CHD5: variants seen among roughly 807,000 people sequenced by gnomAD.
The protein encoded by CHD5 is ATP-dependent chromatin remodeler CHD5.
In CHD5, 69 loss-of-function variants were observed where a neutral mutation model predicts 230.3. That is an observed-to-expected ratio of 0.30 (90% CI 0.25 to 0.37). The LOEUF (loss-of-function observed/expected upper bound fraction) is 0.37. Among genes scored for constraint, CHD5 ranks in the 10% least tolerant of loss-of-function variants. The probability of loss-of-function intolerance (pLI) is 1.00; values close to 1 mark genes in which losing one functional copy is unlikely to be tolerated. For missense variants in CHD5, 1,827 were observed against 2,622.8 expected (o/e 0.70, Z 6.63); for synonymous variants, 1,064 against 1,065.9 (o/e 1.00, Z 0.03).
Position 6,169,709 on chromosome 1 carries a change from G to A in CHD5, c.80-1432C>T, listed in dbSNP as rs1312712941. Among the ~76,000 whole-genome samples, 3 of 152,184 alleles carry A rather than the reference G, an allele frequency of 2.0e-5. No homozygotes were observed. The East Asian group carries it at 5.8e-4, about 29-fold the overall frequency. On this transcript the variant is annotated intron_variant, in intron 1 of 41. Coordinates refer to ENST00000262450, the MANE Select transcript of CHD5 (RefSeq NM_015557.3). ...TGGGGGCAAAGGAGGCTTCCAGAAGGGAAGAACCTCCAAGAGTCCTCTAGA... is the reference window on the plus strand; with the variant it reads ...TGGGGGCAAAGGAGGCTTCCAGAAGAGAAGAACCTCCAAGAGTCCTCTAGA...
In CHD5 at chr1:6,142,054, G is replaced by A. The variant is rs755829624; in HGVS notation, c.2436+74C>T. On this transcript the variant is annotated intron_variant, in intron 15 of 41. Transcript: ENST00000262450. This position sits in a 1 kb window ranked among gnomAD's most constrained non-coding sequence, Gnocchi z 5.2. ...TCCCAGGCTGAGGGACCCCAAAGGA[G>A]TGCACGGCACCCGTGGTCCCTGAAC... The A allele has an allele frequency of 2.2e-6, 3 of 1,363,712 alleles. No homozygotes were observed. The highest frequency in any genetic ancestry group is 2.8e-5 in the African/African-American group (2 of 70,304). 84.5% of individuals were successfully genotyped at this position (1,363,712 alleles called of 1,614,324 possible).
rs1168943433 is a variant in CHD5, at chr1:6,167,364, C to T, written c.207+786G>A. 6.6e-6 allele frequency among the ~76,000 whole-genome samples: 1 copy of T among 152,200 alleles called. No homozygotes were observed. The highest frequency in any genetic ancestry group is 2.4e-5 in the African/African-American group (1 of 41,460). On this transcript the variant is annotated intron_variant, in intron 2 of 41. Coordinates refer to ENST00000262450, the MANE Select transcript of CHD5 (RefSeq NM_015557.3). The surrounding 1 kb of genome is among the most constrained non-coding windows in gnomAD (Gnocchi z 4.5). ...GTGAGGTGCTTGCCATTGCTCTCAACATAGGGTCGCTTGGAGGATCAGAGG... is the reference window on the plus strand; with the variant it reads ...GTGAGGTGCTTGCCATTGCTCTCAATATAGGGTCGCTTGGAGGATCAGAGG...
chr1:6,125,678 G>A lies in CHD5; in HGVS notation c.4172-66C>T, dbSNP rs567663735. On this transcript the variant is annotated intron_variant, in intron 27 of 41. Transcript: ENST00000262450. This position sits in a 1 kb window ranked among gnomAD's most constrained non-coding sequence, Gnocchi z 6.7. ...GAGATTCCTGATCCCCAAGGACAGC[G>A]GGACCCCAGACCAGCCCCGCTCCTG... 1.2e-4 allele frequency: 186 copies of A among 1,602,566 alleles called. 1 individual carries two copies. Among genetic ancestry groups the A allele is most frequent in the Middle Eastern group, 5.0e-4 (3 of 6,024 alleles).
At chr1:6,107,819 G>A (rs958459625) in intron 38 of CHD5, among the ~76,000 whole-genome samples, 28 of 139,652 alleles carry the variant, frequency 2.0e-4, no homozygotes, top group Non-Finnish European at 6.2e-5. Flanking sequence ...GAATAATGGA[G>A]GGATGGAGGG....
chr1:6,127,982 A>G (rs1278032471), intron 25 of CHD5, 64 bp downstream of exon 25: 2 of 1,207,918 alleles, frequency 1.7e-6, no homozygotes, highest in African/African-American at 6.3e-5. Context: ...GCGTGGACAC[A>G]GTGGGGGGCG....
chr1:6,161,111 TGAAGGAAAGAGGGAGGGAGGGA>T (rs916557927), intron 2 of CHD5, among the ~76,000 whole-genome samples: 38 of 149,742 alleles, frequency 2.5e-4, no homozygotes, highest in Non-Finnish European at 8.9e-5. Flanking sequence ...GGAGGGAGGA[TGAAGGAAAGAGGGAGGGAGGGA>T]GAAGGAAAGG....
Position 6,102,821 on chromosome 1 carries a change from G to A in CHD5, c.*2653C>T, listed in dbSNP as rs12567407. ...TCGGAAGGTGGCTTTCACGGGGGAC[G>A]CTGCTTCTGCCTCAGGCGTGTATGA... is the stretch of plus-strand genomic sequence containing the variant. On this transcript the variant is annotated 3_prime_UTR_variant, in exon 42 of 42. Coordinates refer to ENST00000262450, the MANE Select transcript of CHD5 (RefSeq NM_015557.3). The A allele has an allele frequency of 0.1, 15,201 of 152,250 alleles. 1,040 individuals are homozygous for A. Among genetic ancestry groups the A allele is most frequent in the East Asian group, 0.35 (1,821 of 5,140 alleles). The allele number at this position is 152,250 out of a possible 1,614,324, so 9.4% of individuals were successfully genotyped here. A position where few individuals can be genotyped will look rare whatever the true frequency, so the allele number is the denominator to read the frequency against.
intron 33 of CHD5, among the ~76,000 whole-genome samples, chr1:6,116,482 C>T (rs1666380424): frequency 1.3e-5 from 2 of 151,956 alleles, no homozygotes; most frequent in Admixed American, 1.3e-4. Flanking sequence ...CAAAAAATAC[C>T]CTCCATTGTA....
At chr1:6,150,189 G>A (rs915676979) in intron 7 of CHD5, among the ~76,000 whole-genome samples, 1 of 131,884 alleles carries the variant, frequency 7.6e-6, no homozygotes, top group African/African-American at 3.4e-5. Context: ...TGGATGGACA[G>A]AGTGGTAGAT....
At chr1:6,115,026 G>GT (rs1491107862) in intron 33 of CHD5, among the ~76,000 whole-genome samples, 1 of 131,800 alleles carries the variant, frequency 7.6e-6, no homozygotes, top group Non-Finnish European at 1.6e-5. Flanking sequence ...AAAAAAAAAA[G>GT]GGGGGGGCAG....
At chr1:6,138,915 A>G (rs1242996333) in intron 15 of CHD5, among the ~76,000 whole-genome samples, 1 of 152,206 alleles carries the variant, frequency 6.6e-6, no homozygotes, top group African/African-American at 2.4e-5. Flanking sequence ...TATCCCTGTG[A>G]TGGGGGTTCT....
At chr1:6,152,815 T>A (rs1667027015) in intron 5 of CHD5, among the ~76,000 whole-genome samples, 2 of 152,098 alleles carry the variant, frequency 1.3e-5, no homozygotes. Flanking sequence ...TTTGGGAGGA[T>A]CCCCTATACC....
At chr1:6,160,187 C>A (rs1481512410) in intron 2 of CHD5, among the ~76,000 whole-genome samples, 8 of 99,310 alleles carry the variant, frequency 8.1e-5, no homozygotes, top group Non-Finnish European at 1.3e-4. Context: ...GGAAGGGCCC[C>A]AGCCAGAGAA....
Position 6,159,269 on chromosome 1 carries a change from G to T in CHD5, c.387+67C>A, listed in dbSNP as rs1440387791. 5.9e-6 allele frequency: 9 copies of T among 1,537,878 alleles called. No individual in the cohort carries two copies. The East Asian group carries it at 2.2e-4, about 38-fold the overall frequency. On this transcript the variant is annotated intron_variant, in intron 3 of 41. Coordinates refer to ENST00000262450, the MANE Select transcript of CHD5 (RefSeq NM_015557.3). The stretch of plus-strand genomic sequence containing the variant: ...CACACACACACACACAGAACATACA[G>T]GCAAGAGGCTCAGCCCCCTTAAAGG...
chr1:6,133,209 T>C (rs1436396999), intron 20 of CHD5, among the ~76,000 whole-genome samples: 1 of 152,184 alleles, frequency 6.6e-6, no homozygotes, highest in Admixed American at 6.5e-5. Context: ...CTGGAAGCTG[T>C]GTGGTTCCCA....
chr1:6,123,403 C>T (rs1435942332), intron 31 of CHD5, among the ~76,000 whole-genome samples: 28 of 151,550 alleles, frequency 1.8e-4, no homozygotes, highest in Admixed American at 1.8e-3. Context: ...GTACACCCTA[C>T]GAATATACTA....
chr1:6,131,571 G>C lies in CHD5; in HGVS notation c.3262+60C>G. ...GCTGGGTGACCTGGCTAAGAACCAG[G>C]CCTGGGAGAAGAGGCCAAAAAGGAG... On this transcript the variant is annotated intron_variant, in intron 21 of 41. Coordinates refer to ENST00000262450, the MANE Select transcript of CHD5 (RefSeq NM_015557.3). This position sits in a 1 kb window ranked among gnomAD's most constrained non-coding sequence, Gnocchi z 5.0. 1 of 1,002,532 alleles carries C rather than the reference G, an allele frequency of 1.0e-6. No homozygotes were observed. 62.1% of individuals were successfully genotyped at this position (1,002,532 alleles called of 1,614,324 possible). A position where few individuals can be genotyped will look rare whatever the true frequency, so the allele number is the denominator to read the frequency against.
Position 6,135,410 on chromosome 1 carries a change from C to T in CHD5, c.2697-7G>A. 6.3e-7 allele frequency: 1 copy of T among 1,595,728 alleles called. No homozygotes were observed. Among genetic ancestry groups the T allele is most frequent in the Non-Finnish European group, 8.5e-7 (1 of 1,169,754 alleles). ...CAGGAAGCCCTCCAGGTTGCTGCAA[C>T]AAAAAGCTGGGATAACAGCCAGGAG... On this transcript the variant is annotated splice_region_variant and splice_polypyrimidine_tract_variant and intron_variant, in intron 17 of 41. Transcript: ENST00000262450.
At chr1:6,139,636 G>C (rs780770222) in intron 15 of CHD5, among the ~76,000 whole-genome samples, 1 of 150,416 alleles carries the variant, frequency 6.6e-6, no homozygotes, top group Non-Finnish European at 1.5e-5. Context: ...CTACAGCCTC[G>C]AACTCCTGGG....
Sources: allele counts gnomAD v4.1 joint callset (sites outside exome capture counted in the v4.1 genomes callset), GRCh38; gene constraint gnomAD v4.1.1; non-coding constraint Gnocchi (gnomAD v3.1); transcripts MANE v1.5; gene names NCBI Gene and HGNC (gene_info 2026-07-23, HGNC 2026-07-21).